The following TXNDC11 variants were observed in gnomAD, a reference collection of about 807,000 sequenced individuals.
The protein encoded by TXNDC11 is thioredoxin domain-containing protein 11.
Under a neutral mutation model 78.0 loss-of-function variants are expected in TXNDC11, and 68 were observed. That is an observed-to-expected ratio of 0.87 (90% CI 0.72 to 1.07). TXNDC11 has a LOEUF of 1.07. Among genes scored for constraint, TXNDC11 ranks in the 50% least tolerant of loss-of-function variants. The pLI, the probability that TXNDC11 is intolerant of heterozygous loss-of-function variation, is 0.00. For missense variants in TXNDC11, 1,389 were observed against 1,221.8 expected, an observed-to-expected ratio of 1.14 and a Z score of -2.04; for synonymous variants, 571 against 495.2, an observed-to-expected ratio of 1.15 and a Z score of -2.03.
At chr16:11,707,739 G>A (rs9746417) in intron 5 of TXNDC11, among the ~76,000 whole-genome samples, 33 of 151,508 alleles carry the variant, frequency 2.2e-4, no homozygotes, top group Non-Finnish European at 3.8e-4. Flanking sequence ...CTGAGCCACC[G>A]CACCCAGCCT....
At chr16:11,738,951 C>T (rs918307166) in intron 1 of TXNDC11, among the ~76,000 whole-genome samples, 8 of 151,948 alleles carry the variant, frequency 5.3e-5, no homozygotes, top group Non-Finnish European at 8.8e-5. Flanking sequence ...CGCTTGAACA[C>T]GGGAGGCGGA....
At chr16:11,736,680 T>A (rs2052230306) in intron 1 of TXNDC11, among the ~76,000 whole-genome samples, 1 of 152,202 alleles carries the variant, frequency 6.6e-6, no homozygotes, top group Admixed American at 6.5e-5. Context: ...CAACTCAACT[T>A]TGAGAAAACA....
intron 5 of TXNDC11, among the ~76,000 whole-genome samples, chr16:11,713,110 G>GAA (rs35333554): frequency 7.7e-4 from 86 of 111,814 alleles, no homozygotes; most frequent in East Asian, 1.7e-3. Context: ...TCTGTCTCAG[G>GAA]AAAAAAAAAA....
At chr16:11,700,952 C>G (rs1258226745) in intron 5 of TXNDC11, among the ~76,000 whole-genome samples, 2 of 152,092 alleles carry the variant, frequency 1.3e-5, no homozygotes, top group Non-Finnish European at 2.9e-5. Flanking sequence ...CTGTGAGAAG[C>G]CTTCCTTGAC....
At chr16:11,718,776 C>A (rs1443963918) in intron 5 of TXNDC11, among the ~76,000 whole-genome samples, 2 of 152,098 alleles carry the variant, frequency 1.3e-5, no homozygotes, top group Non-Finnish European at 2.9e-5. Flanking sequence ...CAGAATTTTA[C>A]AAGCTCCAAC....
chr16:11,706,278 G>A (rs922029454), intron 5 of TXNDC11, among the ~76,000 whole-genome samples: 4 of 152,236 alleles, frequency 2.6e-5, no homozygotes, highest in Non-Finnish European at 5.9e-5. Flanking sequence ...CATGCAGGTG[G>A]CTAAGAAGGT....
chr16:11,689,629 G>C (rs1479489052), intron 8 of TXNDC11, among the ~76,000 whole-genome samples: 1 of 152,162 alleles, frequency 6.6e-6, no homozygotes, highest in African/African-American at 2.4e-5. Flanking sequence ...GAAATCTAAA[G>C]AAGGCTTCTT....
intron 5 of TXNDC11, among the ~76,000 whole-genome samples, chr16:11,710,797 A>G (rs1282066522): frequency 6.6e-6 from 1 of 152,250 alleles, no homozygotes; most frequent in Non-Finnish European, 1.5e-5. Context: ...CTTGGGCAAC[A>G]GAGTGAGACC....
intron 5 of TXNDC11, among the ~76,000 whole-genome samples, chr16:11,715,733 CAGAG>C (rs2051509782): frequency 6.6e-6 from 1 of 152,104 alleles, no homozygotes; most frequent in African/African-American, 2.4e-5. Context: ...ATTCTGGTGG[CAGAG>C]AGATTCAGTC....
intron 5 of TXNDC11, among the ~76,000 whole-genome samples, chr16:11,705,870 CA>C (rs1413339539): frequency 6.6e-6 from 1 of 152,166 alleles, no homozygotes; most frequent in African/African-American, 2.4e-5. Context: ...AAAGATGACA[CA>C]AAAAACCAGC....
rs140205766 is a variant in TXNDC11, at chr16:11,721,633, G to C, written c.737C>G (p.Pro246Arg). 6.2e-7 allele frequency: 1 copy of C among 1,612,466 alleles called. No homozygotes were observed. The highest frequency in any genetic ancestry group is 1.1e-5 in the South Asian group (1 of 90,988). Residue 246 changes from proline (P) to arginine (R), a missense_variant, in exon 5 of 12, where the codon CCC (proline) becomes CGC (arginine). Physicochemically the swap from Pro to Arg is moderately radical, Grantham distance 103 (BLOSUM62 -2). Transcript: ENST00000283033. Reference sequence around the variant, plus strand: ...GAAGGTCAAATAACCAGGAGGCTGGGGTGAGCCACTGAACTCAAAGTACCC... The same window carrying C: ...GAAGGTCAAATAACCAGGAGGCTGGCGTGAGCCACTGAACTCAAAGTACCC... ...VLGYFEFSGS[P>R]QPPGYLTFFT...
chr16:11,724,237 C>T (rs547799310), intron 4 of TXNDC11, among the ~76,000 whole-genome samples: 1 of 152,042 alleles, frequency 6.6e-6, no homozygotes, highest in Non-Finnish European at 1.5e-5. Flanking sequence ...GAGCAGAGAT[C>T]GCACCACTGC....
At chr16:11,714,455 C>T (rs1373901705) in intron 5 of TXNDC11, among the ~76,000 whole-genome samples, 2 of 152,036 alleles carry the variant, frequency 1.3e-5, no homozygotes, top group Non-Finnish European at 2.9e-5. Flanking sequence ...CTGGCGAAAA[C>T]GGTGAAACCC....
At chr16:11,709,118 AAATGT>A (rs2051263910) in intron 5 of TXNDC11, among the ~76,000 whole-genome samples, 2 of 152,218 alleles carry the variant, frequency 1.3e-5, no homozygotes, top group Non-Finnish European at 2.9e-5. Context: ...TGAGACAGTG[AAATGT>A]GCATAGTTTC....
At chr16:11,720,266 C>G (rs1371859901) in intron 5 of TXNDC11, among the ~76,000 whole-genome samples, 1 of 152,156 alleles carries the variant, frequency 6.6e-6, no homozygotes, top group African/African-American at 2.4e-5. Flanking sequence ...GTAGCCTATG[C>G]TGTAATGTGA....
Position 11,681,842 on chromosome 16 carries a change from C to A in TXNDC11, c.2235-2005G>T, listed in dbSNP as rs1259411191. 3.3e-5 allele frequency among the ~76,000 whole-genome samples: 5 copies of A among 152,364 alleles called. No homozygotes were observed. In the East Asian group the frequency reaches 9.6e-4, roughly 29 times the overall value. ...CCTCAAGGCCCCACCCCTTCCTCTT[C>A]CTCCCAAGGACAGGCTCTTGCATTT... On this transcript the variant is annotated intron_variant, in intron 11 of 11. Transcript: ENST00000283033.
At position 11,687,926 on chromosome 16, in the gene TXNDC11, C is replaced by T; in HGVS notation, c.2084G>A (p.Cys695Tyr). 6.2e-7 allele frequency: 1 copy of T among 1,613,926 alleles called. No individual in the cohort carries two copies. Among genetic ancestry groups the T allele is most frequent in the Non-Finnish European group, 8.5e-7 (1 of 1,179,918 alleles). Residue 695 changes from cysteine (C) to tyrosine (Y), a missense_variant, in exon 10 of 12, where the codon TGT becomes TAT. By Grantham distance (194) the Cys-to-Tyr change is radical. Transcript: ENST00000283033. The stretch of plus-strand genomic sequence containing the variant: ...GATGAAGATGTGATTGAGGGATGGA[C>T]AGAAGCCGCACCACGGAGCGTAATA... ...LLYYAPWCGF[C>Y]PSLNHIFIQL... is the part of the protein sequence containing the mutation.
At chr16:11,720,416 A>T (rs1028768432) in intron 5 of TXNDC11, among the ~76,000 whole-genome samples, 4 of 140,658 alleles carry the variant, frequency 2.8e-5, no homozygotes, top group Non-Finnish European at 4.6e-5. Flanking sequence ...TGATGTAATA[A>T]TTTTTTTTTT....
chr16:11,711,360 G>A (rs1210702208), intron 5 of TXNDC11, among the ~76,000 whole-genome samples: 1 of 152,150 alleles, frequency 6.6e-6, no homozygotes, highest in African/African-American at 2.4e-5. Context: ...TAAAGTTCTG[G>A]ATGTCAAAAG....
Sources: gnomAD v4.1 joint callset for allele counts (sites outside exome capture counted in the v4.1 genomes callset) on GRCh38, gnomAD v4.1.1 for gene constraint, MANE v1.5 for transcripts, NCBI Gene and HGNC (gene_info 2026-07-23, HGNC 2026-07-21) for gene names.